OMD: variants seen among roughly 807,000 people sequenced by gnomAD.
OMD encodes the protein osteomodulin.
Under a neutral mutation model 31.2 loss-of-function variants are expected in OMD, and 19 were observed. The observed-to-expected ratio is 0.61, with a 90% CI of 0.42 to 0.89. The LOEUF (loss-of-function observed/expected upper bound fraction) is 0.89, where lower values mean the gene tolerates loss of function less well. Among genes scored for constraint, OMD ranks in the 40% least tolerant of loss-of-function variants. The pLI, the probability that OMD is intolerant of heterozygous loss-of-function variation, is 0.00. For missense variants in OMD, 448 were observed against 490.8 expected (o/e 0.91, Z 0.82); for synonymous variants, 155 against 166.4 (o/e 0.93, Z 0.53).
chr9:92,418,087 CTTTTTCTTTTTA>C (rs1346890455), intron 1 of OMD, among the ~76,000 whole-genome samples: 1 of 147,578 alleles, frequency 6.8e-6, no homozygotes, highest in Admixed American at 6.8e-5. Flanking sequence ...TTTTCTTTTT[CTTTTTCTTTTTA>C]TTTTTGAGAT....
Position 92,416,650 on chromosome 9 carries a change from T to G in OMD, c.909A>C (p.Glu303Asp), listed in dbSNP as rs776636977. 6.3e-7 allele frequency: 1 copy of G among 1,599,646 alleles called. No individual in the cohort carries two copies. The highest frequency in any genetic ancestry group is 8.5e-7 in the Non-Finnish European group (1 of 1,174,058). Residue 303 changes from glutamate to aspartate, a missense_variant, in exon 2 of 3, where the codon GAA (glutamate) becomes GAC (aspartate). Coordinates refer to ENST00000375550, the MANE Select transcript of OMD (RefSeq NM_005014.3). Reference sequence around the variant, plus strand: ...TTTCATTATTTTGTAGGTATAGGTGTTCCAAATTTCTTGGAATATAGAATG... The same window carrying G: ...TTTCATTATTTTGTAGGTATAGGTGGTCCAAATTTCTTGGAATATAGAATG... ...KQAFYIPRNL[E>D]HLYLQNNEIE...
intron 1 of OMD, among the ~76,000 whole-genome samples, chr9:92,421,096 G>A (rs1031402514): frequency 1.4e-4 from 21 of 152,150 alleles, no homozygotes; most frequent in African/African-American, 4.8e-4. Flanking sequence ...CCAGGCTGGA[G>A]CGCAGTGGTG....
chr9:92,416,689 G>A lies in OMD; in HGVS notation c.870C>T (p.Asn290=). The change falls in exon 2 of 3, where the codon AAC becomes AAT. Residue 290 remains asparagine (N), a synonymous_variant. Coordinates refer to ENST00000375550, the MANE Select transcript of OMD (RefSeq NM_005014.3). ...GAATATAGAATGCTTGCTTCAATTT[G>A]TTGTGTCCAACACTGAGTTCTACAA... ...PNIVELSVGH[N]KLKQAFYIPR... is the part of the protein sequence containing the mutation. 1 of 1,612,072 alleles carries A rather than the reference G, an allele frequency of 6.2e-7. No homozygotes were observed. The highest frequency in any genetic ancestry group is 1.1e-5 in the South Asian group (1 of 90,546).
chr9:92,416,571 C>T (rs767092028), intron 2 of OMD, 48 bp downstream of exon 2: 1 of 1,165,438 alleles, frequency 8.6e-7, no homozygotes, highest in Non-Finnish European at 1.2e-6. Flanking sequence ...TTTAAAAGAT[C>T]AGGATTCCAT....
At position 92,417,311 on chromosome 9, in the gene OMD, A is replaced by C; in HGVS notation, c.248T>G (p.Leu83Arg). Residue 83 changes from leucine to arginine, a missense_variant, in exon 2 of 3, where the codon CTC becomes CGC. By Grantham distance (102) the Leu-to-Arg change is moderately radical (BLOSUM62 -2). Transcript: ENST00000375550. ...PSSMYCDNRK[L>R]KTIPNIPMHI... ...CATCGGAATATTTGGGATAGTCTTG[A>C]GTTTGCGATTATCACAGTACATTGA... 1 of 1,614,070 alleles carries C rather than the reference A, an allele frequency of 6.2e-7. No homozygotes were observed. The highest frequency in any genetic ancestry group is 1.3e-5 in the African/African-American group (1 of 75,040).
rs773981822 is a variant in OMD at position 92,417,284 on chromosome 9, T to A, written c.275A>T (p.His92Leu). 1.2e-6 allele frequency: 2 copies of A among 1,613,980 alleles called. No individual in the cohort carries two copies. Among genetic ancestry groups the A allele is most frequent in the Non-Finnish European group, 1.7e-6 (2 of 1,179,988 alleles). The change falls in exon 2 of 3, where the codon CAC becomes CTC. Residue 92 changes from histidine (H) to leucine (L), a missense_variant. Coordinates refer to ENST00000375550, the MANE Select transcript of OMD (RefSeq NM_005014.3). Reference sequence around the variant, plus strand: ...GAACTGAAGGTAGAGTTGCTGAATGTGCATCGGAATATTTGGGATAGTCTT... The same window carrying A: ...GAACTGAAGGTAGAGTTGCTGAATGAGCATCGGAATATTTGGGATAGTCTT... ...KLKTIPNIPM[H>L]IQQLYLQFNE...
At chr9:92,417,675 T>C in intron 1 of OMD, 101 bp from the exon 2 acceptor site, 1 of 678,826 alleles carries the variant, frequency 1.5e-6, no homozygotes, top group Non-Finnish European at 2.3e-6. Flanking sequence ...TACCTATGTC[T>C]ATATATAAAA....
chr9:92,421,700 T>C lies in OMD; in HGVS notation c.-17+2502A>G, dbSNP rs368790557. Among the ~76,000 whole-genome samples, 5 of 152,288 alleles carry C rather than the reference T, an allele frequency of 3.3e-5. No individual in the cohort carries two copies. The East Asian group carries it at 5.8e-4, about 18-fold the overall frequency. ...TACCGTTGTCCTGAATTATTTCTAG[T>C]GATGAGGCACTATGCTAAGTTGGTG... is the stretch of plus-strand genomic sequence containing the variant. On this transcript the variant is annotated intron_variant, in intron 1 of 2. Coordinates refer to ENST00000375550, the MANE Select transcript of OMD (RefSeq NM_005014.3).
intron 1 of OMD, among the ~76,000 whole-genome samples, chr9:92,422,546 C>T (rs985497622): frequency 1.3e-5 from 2 of 152,132 alleles, no homozygotes; most frequent in East Asian, 1.9e-4. Flanking sequence ...GTCTGCTTTC[C>T]GCCTTTGTGA....
intron 2 of OMD, among the ~76,000 whole-genome samples, chr9:92,415,895 T>C (rs1843579722): frequency 6.9e-6 from 1 of 145,952 alleles, no homozygotes; most frequent in African/African-American, 2.5e-5. Flanking sequence ...TCTTTTTTTT[T>C]TTCCTGTTGC....
At position 92,414,054 on chromosome 9, in the gene OMD, T is replaced by C. The variant is rs954111012; in HGVS notation, c.*1098A>G. ...GAAATTCTATGAAACATTAGCATGG[T>C]ATATCAAGAGAGTTCATCACAGCAG... On this transcript the variant is annotated 3_prime_UTR_variant, in exon 3 of 3. Transcript: ENST00000375550. 8.5e-5 allele frequency among the ~76,000 whole-genome samples: 13 copies of C among 152,308 alleles called. No homozygotes were observed. Among genetic ancestry groups the C allele is most frequent in the Middle Eastern group, 3.4e-3 (1 of 294 alleles).
chr9:92,417,859 T>A (rs1239887104), intron 1 of OMD, among the ~76,000 whole-genome samples: 1 of 152,040 alleles, frequency 6.6e-6, no homozygotes, highest in African/African-American at 2.4e-5. Context: ...CCCAAGTAGC[T>A]GGGACTACAG....
At chr9:92,423,799 C>T (rs570417751) in intron 1 of OMD, among the ~76,000 whole-genome samples, 2 of 152,082 alleles carry the variant, frequency 1.3e-5, no homozygotes, top group Admixed American at 6.6e-5. Context: ...TGCCCATCAA[C>T]CCCCCAACCG....
chr9:92,422,563 A>G (rs956542450), intron 1 of OMD, among the ~76,000 whole-genome samples: 4 of 152,200 alleles, frequency 2.6e-5, no homozygotes, highest in African/African-American at 9.6e-5. Context: ...GTGAGCACCT[A>G]AGAAGAAAGT....
rs1182747792 is a variant in OMD at position 92,414,599 on chromosome 9, C to T, written c.*553G>A. On this transcript the variant is annotated 3_prime_UTR_variant, in exon 3 of 3. Coordinates refer to ENST00000375550, the MANE Select transcript of OMD (RefSeq NM_005014.3). ...CCTCTTACAAATCAAAAATATCATT[C>T]TATGTGCTATGTGGTGAGCTAGGGG... The T allele has an allele frequency of 4.8e-6, 1 of 208,434 alleles. No individual in the cohort carries two copies. The highest frequency in any genetic ancestry group is 5.9e-5 in the Admixed American group (1 of 16,912). The allele number at this position is 208,434 out of a possible 1,614,324, so 12.9% of individuals were successfully genotyped here.
chr9:92,419,461 C>T (rs534767747), intron 1 of OMD, among the ~76,000 whole-genome samples: 80 of 151,966 alleles, frequency 5.3e-4, no homozygotes, highest in Non-Finnish European at 9.3e-4. Context: ...CCACCACACC[C>T]GGCTAATTTT....
Position 92,413,678 on chromosome 9 carries a change from T to C in OMD, c.*1474A>G, listed in dbSNP as rs558562496. Among the ~76,000 whole-genome samples, 1 of 152,298 alleles carries C rather than the reference T, an allele frequency of 6.6e-6. No individual in the cohort carries two copies. The highest frequency in any genetic ancestry group is 1.9e-4 in the East Asian group (1 of 5,182). The stretch of plus-strand genomic sequence containing the variant: ...GTGCTTTGCCCATATTGTGGCATCA[T>C]AGTTGCACATTGTACTTTGTTTATT... On this transcript the variant is annotated 3_prime_UTR_variant, in exon 3 of 3. Transcript: ENST00000375550.
intron 2 of OMD, 108 bp downstream of exon 2, chr9:92,416,511 A>G: frequency 8.4e-6 from 6 of 716,502 alleles, no homozygotes; most frequent in Non-Finnish European, 1.1e-5. Context: ...CAACTTCAAA[A>G]CAACTATTTT....
chr9:92,415,337 A>G lies in OMD; in HGVS notation c.1081T>C (p.Tyr361His). ...FFCFPHIHTI[Y>H]YGEQRSTNGQ... ...TTAGTGCTTCGTTGTTCACCATAATAAATAGTGTGTATATGAGGGAAGCAG... is the reference window on the plus strand; with the variant it reads ...TTAGTGCTTCGTTGTTCACCATAATGAATAGTGTGTATATGAGGGAAGCAG... The change falls in exon 3 of 3, where the codon TAT becomes CAT. Residue 361 changes from tyrosine to histidine, a missense_variant. Transcript: ENST00000375550. The G allele has an allele frequency of 6.2e-7, 1 of 1,613,634 alleles. No individual in the cohort carries two copies. The highest frequency in any genetic ancestry group is 8.5e-7 in the Non-Finnish European group (1 of 1,179,754).
Sources: gnomAD v4.1 joint callset for allele counts (sites outside exome capture counted in the v4.1 genomes callset) on GRCh38, gnomAD v4.1.1 for gene constraint, MANE v1.5 for transcripts, NCBI Gene and HGNC (gene_info 2026-07-23, HGNC 2026-07-21) for gene names.